Variants in TCOF1 observed in about 807,000 individuals in gnomAD.
TCOF1 encodes treacle protein.
In TCOF1, 33 loss-of-function variants were observed where a neutral mutation model predicts 149.0. The ratio of observed to expected loss-of-function variants is 0.22; its 90% CI spans 0.17 to 0.30. TCOF1 has a LOEUF of 0.30. Ranked by LOEUF, TCOF1 falls within the 10% of genes least tolerant of loss-of-function variation. The probability of loss-of-function intolerance (pLI) is 1.00; values close to 1 mark genes in which losing one functional copy is unlikely to be tolerated. For missense variants in TCOF1, 1,728 were observed against 1,840.7 expected, an observed-to-expected ratio of 0.94 and a Z score of 1.12; for synonymous variants, 789 against 738.8, an observed-to-expected ratio of 1.07 and a Z score of -1.10.
chr5:150,369,156 G>A (rs1761996859), intron 5 of TCOF1, among the ~76,000 whole-genome samples: 1 of 152,208 alleles, frequency 6.6e-6, no homozygotes, highest in African/African-American at 2.4e-5. Context: ...TGAGTTACAG[G>A]GACAACTGGC....
At chr5:150,397,903 A>G in intron 24 of TCOF1, among the ~76,000 whole-genome samples, 1 of 152,076 alleles carries the variant, frequency 6.6e-6, no homozygotes, top group Non-Finnish European at 1.5e-5. Context: ...CTGCTGGGTG[A>G]TCACCACAGC....
At chr5:150,358,184 G>C (rs945829995) in intron 1 of TCOF1, among the ~76,000 whole-genome samples, 3 of 152,050 alleles carry the variant, frequency 2.0e-5, no homozygotes, top group Admixed American at 2.0e-4. Context: ...CCGCCACGTG[G>C]CTAGGCTCTG....
Position 150,391,963 on chromosome 5 carries a change from A to G in TCOF1, c.3304A>G (p.Ser1102Gly), listed in dbSNP as rs2151036153. Reference sequence around the variant, plus strand: ...TCTCCTTTCACCGAATTAGGTTGACAGTGCTGTGGGAACACTCCCTGCAAC... The same window carrying G: ...TCTCCTTTCACCGAATTAGGTTGACGGTGCTGTGGGAACACTCCCTGCAAC... ...ARTQPSSGVD[S>G]AVGTLPATSP... The change falls in exon 21 of 27, where the codon AGT (serine) becomes GGT (glycine). Residue 1102 changes from serine to glycine, a missense_variant. This residue lies in a region of TCOF1 where 1,696 missense variants were observed against 1,765.4 expected (regional missense o/e 0.96). Coordinates refer to ENST00000643257, the MANE Select transcript of TCOF1 (RefSeq NM_001371623.1). 1 of 1,614,118 alleles carries G rather than the reference A, an allele frequency of 6.2e-7. No individual in the cohort carries two copies. The highest frequency in any genetic ancestry group is 8.5e-7 in the Non-Finnish European group (1 of 1,180,014).
intron 17 of TCOF1, among the ~76,000 whole-genome samples, chr5:150,381,709 G>T (rs1765226575): frequency 6.6e-6 from 1 of 152,234 alleles, no homozygotes; most frequent in Non-Finnish European, 1.5e-5. Flanking sequence ...AGTCAGAATG[G>T]CCTAATCTGT....
At chr5:150,364,639 T>C (rs1321739986) in intron 3 of TCOF1, among the ~76,000 whole-genome samples, 2 of 152,194 alleles carry the variant, frequency 1.3e-5, no homozygotes, top group East Asian at 3.9e-4. Context: ...TGGGATGCTT[T>C]AGGAATTGCT....
intron 23 of TCOF1, 97 bp from the exon 24 acceptor site, chr5:150,396,185 A>T: frequency 7.2e-7 from 1 of 1,382,632 alleles, no homozygotes; most frequent in East Asian, 2.3e-5. Context: ...TTGTAAGAAA[A>T]GATGGAGTCA....
chr5:150,385,013 C>T (rs1413138216), intron 17 of TCOF1: 1 of 985,208 alleles, frequency 1.0e-6, no homozygotes, highest in Admixed American at 6.2e-5. Flanking sequence ...CAGAGTAGAC[C>T]TCAGGCCAGA....
chr5:150,378,305 T>C (rs1764272628), intron 14 of TCOF1, among the ~76,000 whole-genome samples: 1 of 152,252 alleles, frequency 6.6e-6, no homozygotes, highest in African/African-American at 2.4e-5. Flanking sequence ...ATTTCCCTTT[T>C]TTTTTGTTCT....
rs1768675915 is a variant in TCOF1, at chr5:150,396,967, G to A, written c.4345+125G>A. 8 of 1,151,064 alleles carry A rather than the reference G, an allele frequency of 7.0e-6. No individual in the cohort carries two copies. The Admixed American group carries it at 2.0e-4, about 29-fold the overall frequency. 71.3% of individuals were successfully genotyped at this position (1,151,064 alleles called of 1,614,324 possible). A position where few individuals can be genotyped will look rare whatever the true frequency, so the allele number is the denominator to read the frequency against. Reference sequence around the variant, plus strand: ...AGAAAAGAGAGGCTGAGACCAGCCTGGCCAACATGGCAAAACCCCGTCTCT... The same window carrying A: ...AGAAAAGAGAGGCTGAGACCAGCCTAGCCAACATGGCAAAACCCCGTCTCT... On this transcript the variant is annotated intron_variant, in intron 24 of 26. Coordinates refer to ENST00000643257, the MANE Select transcript of TCOF1 (RefSeq NM_001371623.1).
chr5:150,383,627 C>T lies in TCOF1; in HGVS notation c.2859+3895C>T, dbSNP rs1481273402. ...TTGCCCCATTTGACAGATTGGGAATCAAGCCTTAGAGTTGAAGCAGTTTCC... is the reference window on the plus strand; with the variant it reads ...TTGCCCCATTTGACAGATTGGGAATTAAGCCTTAGAGTTGAAGCAGTTTCC... On this transcript the variant is annotated intron_variant, in intron 17 of 26. Coordinates refer to ENST00000643257, the MANE Select transcript of TCOF1 (RefSeq NM_001371623.1). The T allele has an allele frequency of 4.4e-6, 5 of 1,145,180 alleles. No homozygotes were observed. In the East Asian group the frequency reaches 1.3e-4, roughly 29 times the overall value. 70.9% of individuals were successfully genotyped at this position (1,145,180 alleles called of 1,614,324 possible). A position where few individuals can be genotyped will look rare whatever the true frequency, so the allele number is the denominator to read the frequency against.
In TCOF1 at chr5:150,357,732, C is replaced by T; in HGVS notation, c.-15C>T. 1 of 1,546,878 alleles carries T rather than the reference C, an allele frequency of 6.5e-7. No homozygotes were observed. The highest frequency in any genetic ancestry group is 8.7e-7 in the Non-Finnish European group (1 of 1,145,862). ...GCGGGGCGTGCAGGTAGCCGGCCGG[C>T]CGGGGGTCGCGGGTATGGCCGAGGC... On this transcript the variant is annotated 5_prime_UTR_variant, in exon 1 of 27. Transcript: ENST00000643257.
chr5:150,363,690 G>A (rs909843104), intron 2 of TCOF1, among the ~76,000 whole-genome samples: 2 of 152,172 alleles, frequency 1.3e-5, no homozygotes, highest in Non-Finnish European at 2.9e-5. Context: ...GGCAATCTTC[G>A]AGGGCCTCTC....
At chr5:150,393,266 A>G in intron 22 of TCOF1, 106 bp from the exon 23 acceptor site, 1 of 1,402,572 alleles carries the variant, frequency 7.1e-7, no homozygotes, top group Non-Finnish European at 1.0e-6. Flanking sequence ...GGGCAGGGTG[A>G]TCCTAGAGGC....
rs1767447684 is a variant in TCOF1 at position 150,391,545 on chromosome 5, T to G, written c.3185T>G (p.Val1062Gly). The G allele has an allele frequency of 6.2e-6, 10 of 1,613,784 alleles. No individual in the cohort carries two copies. The highest frequency in any genetic ancestry group is 8.5e-6 in the Non-Finnish European group (10 of 1,179,810). The change falls in exon 20 of 27, where the codon GTG becomes GGG. Residue 1062 changes from valine to glycine, a missense_variant and splice_region_variant. By Grantham distance (109) the Val-to-Gly change is moderately radical. Coordinates refer to ENST00000643257, the MANE Select transcript of TCOF1 (RefSeq NM_001371623.1). ...GKKQEGPATQ[V>G]SKKNPASLPL... ...AGGGCTACCTCTTGCCACCCACAGG[T>G]GTCAAAGAAGAACCCAGCTTCCCTC... is the stretch of plus-strand genomic sequence containing the variant.
In TCOF1 at chr5:150,379,310, G is replaced by C; in HGVS notation, c.2560G>C (p.Val854Leu). Residue 854 changes from valine to leucine, a missense_variant, in exon 16 of 27, where the codon GTG (valine) becomes CTG (leucine). Coordinates refer to ENST00000643257, the MANE Select transcript of TCOF1 (RefSeq NM_001371623.1). ...ATCTGTGCCATCTGTGGGGAAGGCC[G>C]TGGCTACAGCAGCTCAGGCCCAGAC... ...PASVPSVGKA[V>L]ATAAQAQTGP... is the part of the protein sequence containing the mutation. 1 of 1,614,232 alleles carries C rather than the reference G, an allele frequency of 6.2e-7. No individual in the cohort carries two copies. The highest frequency in any genetic ancestry group is 1.6e-4 in the Middle Eastern group (1 of 6,062).
Position 150,375,499 on chromosome 5 carries a change from A to G in TCOF1, c.1649A>G (p.Glu550Gly), listed in dbSNP as rs1232924485. 6.2e-7 allele frequency: 1 copy of G among 1,614,150 alleles called. No homozygotes were observed. Among genetic ancestry groups the G allele is most frequent in the Non-Finnish European group, 8.5e-7 (1 of 1,180,012 alleles). ...KWEEDSESSS[E>G]ESSDSSDGEV... Reference sequence around the variant, plus strand: ...GAGGAGGACTCAGAGAGCAGTAGTGAGGAGTCATCAGACAGCAGTGATGGA... The same window carrying G: ...GAGGAGGACTCAGAGAGCAGTAGTGGGGAGTCATCAGACAGCAGTGATGGA... Residue 550 changes from glutamate (E) to glycine (G), a missense_variant, in exon 11 of 27, where the codon GAG becomes GGG. Transcript: ENST00000643257.
At chr5:150,381,325 G>A (rs1283597740) in intron 17 of TCOF1, among the ~76,000 whole-genome samples, 1 of 152,222 alleles carries the variant, frequency 6.6e-6, no homozygotes, top group Non-Finnish European at 1.5e-5. Context: ...TACTGGGGGT[G>A]AAAGACATTG....
intron 17 of TCOF1, among the ~76,000 whole-genome samples, chr5:150,385,440 G>C (rs1766079992): frequency 6.6e-6 from 1 of 152,230 alleles, no homozygotes; most frequent in Non-Finnish European, 1.5e-5. Flanking sequence ...TCTCTGGGAT[G>C]AGACTTCCTG....
At chr5:150,369,787 T>G (rs1173921285) in intron 6 of TCOF1, among the ~76,000 whole-genome samples, 185 bp downstream of exon 6, 1 of 152,088 alleles carries the variant, frequency 6.6e-6, no homozygotes, top group African/African-American at 2.4e-5. Flanking sequence ...TGCTGCACTC[T>G]GAGTGTGAGA....
Sources: allele counts gnomAD v4.1 joint callset (sites outside exome capture counted in the v4.1 genomes callset), GRCh38; gene constraint gnomAD v4.1.1; regional missense constraint gnomAD v4.1.1; transcripts MANE v1.5; gene names NCBI Gene and HGNC (gene_info 2026-07-23, HGNC 2026-07-21).